The following NT5M variants were observed in gnomAD, a reference collection of about 807,000 sequenced individuals.
NT5M encodes 5'(3')-deoxyribonucleotidase, mitochondrial.
In NT5M, 22 loss-of-function variants were observed where a neutral mutation model predicts 22.2. The ratio of observed to expected loss-of-function variants is 0.99; its 90% confidence interval spans 0.71 to 1.41. The LOEUF (loss-of-function observed/expected upper bound fraction) is 1.41, where lower values mean the gene tolerates loss of function less well. Ranked by LOEUF, NT5M falls within the 40% of genes most tolerant of loss-of-function variation. The probability of loss-of-function intolerance (pLI) is 0.00; values close to 1 mark genes in which losing one functional copy is unlikely to be tolerated. For missense variants in NT5M, 322 were observed against 314.8 expected, an observed-to-expected ratio of 1.02 and a Z score of -0.17; for synonymous variants, 167 against 133.0, an observed-to-expected ratio of 1.26 and a Z score of -1.76.
At chr17:17,337,040 G>A (rs1295201421) in intron 3 of NT5M, among the ~76,000 whole-genome samples, 1 of 151,980 alleles carries the variant, frequency 6.6e-6, no homozygotes, top group Non-Finnish European at 1.5e-5. Flanking sequence ...GATTTTCAGA[G>A]GAACTGCCAT....
intron 2 of NT5M, among the ~76,000 whole-genome samples, chr17:17,317,356 G>A (rs939879611): frequency 1.4e-4 from 21 of 152,136 alleles, no homozygotes; most frequent in African/African-American, 5.1e-4. Context: ...GCCAATTTAG[G>A]TTTTTAAAAT....
At chr17:17,325,290 C>T (rs534757777) in intron 3 of NT5M, among the ~76,000 whole-genome samples, 15 of 152,250 alleles carry the variant, frequency 9.9e-5, no homozygotes, top group South Asian at 2.1e-4. Flanking sequence ...GTCCCACCTG[C>T]GTTGCCTCGG....
intron 2 of NT5M, among the ~76,000 whole-genome samples, chr17:17,307,454 T>C (rs1282467175): frequency 6.7e-6 from 1 of 150,170 alleles, no homozygotes; most frequent in Non-Finnish European, 1.5e-5. Flanking sequence ...TGAAACCTTA[T>C]CTCAGCCGGG....
At chr17:17,340,270 G>A (rs2049609598) in intron 3 of NT5M, among the ~76,000 whole-genome samples, 1 of 152,116 alleles carries the variant, frequency 6.6e-6, no homozygotes, top group African/African-American at 2.4e-5. Flanking sequence ...TTGGCATGTA[G>A]TTGCCCATAG....
intron 2 of NT5M, among the ~76,000 whole-genome samples, chr17:17,321,893 C>A (rs528692819): frequency 1.3e-5 from 2 of 151,848 alleles, no homozygotes; most frequent in Admixed American, 6.6e-5. Flanking sequence ...GCTGAAGCGT[C>A]GTGGGTGGTG....
chr17:17,304,142 T>G (rs2048741539), intron 1 of NT5M, among the ~76,000 whole-genome samples: 1 of 152,174 alleles, frequency 6.6e-6, no homozygotes, highest in Non-Finnish European at 1.5e-5. Context: ...AAAATAAACG[T>G]TATAAGTTGT....
At chr17:17,339,909 A>T (rs2049602569) in intron 3 of NT5M, among the ~76,000 whole-genome samples, 1 of 152,112 alleles carries the variant, frequency 6.6e-6, no homozygotes, top group East Asian at 1.9e-4. Context: ...AGGAATCAAT[A>T]TTTATCAATG....
chr17:17,335,620 A>G (rs1277356397), intron 3 of NT5M, among the ~76,000 whole-genome samples: 1 of 151,762 alleles, frequency 6.6e-6, no homozygotes, highest in Non-Finnish European at 1.5e-5. Flanking sequence ...TTATATTCTT[A>G]GTTGTTTTAA....
At chr17:17,332,014 T>C (rs1470090568) in intron 3 of NT5M, among the ~76,000 whole-genome samples, 2 of 151,740 alleles carry the variant, frequency 1.3e-5, no homozygotes, top group Admixed American at 6.6e-5. Flanking sequence ...TTTCCCGACC[T>C]CATGATCCAC....
intron 3 of NT5M, among the ~76,000 whole-genome samples, chr17:17,344,463 G>T (rs2049714537): frequency 1.3e-5 from 2 of 152,190 alleles, no homozygotes; most frequent in South Asian, 4.1e-4. Flanking sequence ...GGCAGGGGTG[G>T]CACACATGGC....
intron 3 of NT5M, 58 bp downstream of exon 3, chr17:17,323,303 C>G: frequency 3.9e-5 from 53 of 1,366,816 alleles, no homozygotes; most frequent in South Asian, 2.4e-4. Context: ...GTGAGGGGTA[C>G]GGGGCTCAGC....
At chr17:17,336,810 A>G (rs1381008260) in intron 3 of NT5M, among the ~76,000 whole-genome samples, 2 of 152,018 alleles carry the variant, frequency 1.3e-5, no homozygotes, top group Non-Finnish European at 2.9e-5. Context: ...CGGCCTTCCA[A>G]AGTGCTGGGT....
chr17:17,316,373 A>ATT (rs2049028128), intron 2 of NT5M, among the ~76,000 whole-genome samples: 1 of 124,908 alleles, frequency 8.0e-6, no homozygotes, highest in Non-Finnish European at 1.7e-5. Flanking sequence ...TTAGGTTTTT[A>ATT]TTTATTTATT....
chr17:17,331,842 G>A (rs371547646), intron 3 of NT5M, among the ~76,000 whole-genome samples: 7 of 150,000 alleles, frequency 4.7e-5, no homozygotes, highest in South Asian at 2.1e-4. Flanking sequence ...GTGCAGTTGC[G>A]CGATCTCTGC....
chr17:17,304,036 G>A, intron 1 of NT5M: 1 of 1,203,596 alleles, frequency 8.3e-7, no homozygotes, highest in Non-Finnish European at 1.0e-6. Flanking sequence ...GAAAATGCGG[G>A]AGAGTACAAA....
intron 2 of NT5M, among the ~76,000 whole-genome samples, chr17:17,307,737 T>C (rs1034008216): frequency 1.3e-5 from 2 of 152,120 alleles, no homozygotes; most frequent in African/African-American, 4.8e-5. Flanking sequence ...GCACATGTAG[T>C]CCCAGTTACT....
At chr17:17,331,100 C>T (rs550068648) in intron 3 of NT5M, among the ~76,000 whole-genome samples, 1 of 151,562 alleles carries the variant, frequency 6.6e-6, no homozygotes, top group Non-Finnish European at 1.5e-5. Context: ...CAGTTACTCC[C>T]TGTAGGACTT....
chr17:17,343,284 T>G (rs573972141), intron 3 of NT5M, among the ~76,000 whole-genome samples: 1 of 152,130 alleles, frequency 6.6e-6, no homozygotes, highest in South Asian at 2.1e-4. Flanking sequence ...CACGTGTCCA[T>G]GAAGGAATGT....
chr17:17,330,225 G>C (rs1363616855), intron 3 of NT5M, among the ~76,000 whole-genome samples: 1 of 150,120 alleles, frequency 6.7e-6, no homozygotes, highest in Non-Finnish European at 1.5e-5. Context: ...GCGTGAACCC[G>C]TGAGACAGAG....
Sources: gnomAD v4.1 joint callset for allele counts (sites outside exome capture counted in the v4.1 genomes callset) on GRCh38, gnomAD v4.1.1 for gene constraint, MANE v1.5 for transcripts, NCBI Gene and HGNC (gene_info 2026-07-23, HGNC 2026-07-21) for gene names.